HDAC9: variants seen among roughly 807,000 people sequenced by gnomAD.
The protein encoded by HDAC9 is MEF-2 interacting transcription repressor (MITR) protein.
A neutral mutation model predicts 139.4 loss-of-function variants in HDAC9; 41 were observed. That is an observed-to-expected ratio of 0.29 (90% CI 0.23 to 0.38). HDAC9 has a LOEUF of 0.38. Ranked by LOEUF, HDAC9 falls within the 10% of genes least tolerant of loss-of-function variation. The pLI is 1.00. For missense variants in HDAC9, 1,147 were observed against 1,297.0 expected (o/e 0.88, Z 1.78); for synonymous variants, 517 against 476.2 (o/e 1.09, Z -1.12).
intron 2 of HDAC9, among the ~76,000 whole-genome samples, chr7:18,277,529 T>G (rs1334381320): frequency 6.6e-6 from 1 of 152,138 alleles, no homozygotes; most frequent in East Asian, 1.9e-4. Flanking sequence ...AAATTTTTAT[T>G]TATACGTAGA....
At chr7:18,869,187 T>TGTGTGTGTGTG (rs1798724705) in intron 21 of HDAC9, among the ~76,000 whole-genome samples, 5 of 136,688 alleles carry the variant, frequency 3.7e-5, no homozygotes, top group African/African-American at 1.3e-4. Flanking sequence ...TGTGTGTGTG[T>TGTGTGTGTGTG]TGCGGTAGGG....
chr7:18,315,633 C>A (rs1279074398), intron 1 of HDAC9, among the ~76,000 whole-genome samples: 1 of 152,218 alleles, frequency 6.6e-6, no homozygotes, highest in African/African-American at 2.4e-5. Context: ...TAAGTATTCA[C>A]AGCACTACAT....
rs757557066 is a variant in HDAC9 at position 18,648,528 on chromosome 7, A to G, written c.1312A>G (p.Arg438Gly). The G allele has an allele frequency of 6.2e-7, 1 of 1,613,576 alleles. No homozygotes were observed. The highest frequency in any genetic ancestry group is 8.5e-7 in the Non-Finnish European group (1 of 1,179,758). Residue 438 changes from arginine to glycine, a missense_variant, in exon 11 of 26, where the codon AGA (arginine) becomes GGA (glycine). Physicochemically the swap from Arg to Gly is moderately radical, Grantham distance 125 (BLOSUM62 -2). This residue lies in a region of HDAC9 where 264 missense variants were observed against 273.8 expected (regional missense o/e 0.96). Coordinates refer to ENST00000686413, the MANE Select transcript of HDAC9 (RefSeq NM_178425.4). The part of the protein sequence containing the change: ...ATKERISPGI[R>G]GTHKLPRHRP... ...AAAAGAGAGAATTTCACCTGGCATT[A>G]GAGGTACCCACAAATTGCCCCGTCA...
chr7:18,978,749 G>A (rs904381503), intron 25 of HDAC9, among the ~76,000 whole-genome samples: 1 of 152,150 alleles, frequency 6.6e-6, no homozygotes, highest in Non-Finnish European at 1.5e-5. Context: ...TGCATTTGTT[G>A]ACTATCTGTT....
chr7:18,573,090 C>A (rs995593499), intron 2 of HDAC9, among the ~76,000 whole-genome samples: 1 of 152,170 alleles, frequency 6.6e-6, no homozygotes, highest in Non-Finnish European at 1.5e-5. Context: ...CCTGTTCAGA[C>A]CCCTGGGAAA....
chr7:18,502,818 T>C (rs1271775360), intron 2 of HDAC9, among the ~76,000 whole-genome samples: 2 of 152,168 alleles, frequency 1.3e-5, no homozygotes, highest in East Asian at 3.8e-4. Flanking sequence ...GAGTCAACAT[T>C]GTGGCCTCAT....
intron 2 of HDAC9, among the ~76,000 whole-genome samples, chr7:18,274,304 C>T (rs1379998719): frequency 6.6e-6 from 1 of 152,106 alleles, no homozygotes; most frequent in Non-Finnish European, 1.5e-5. Flanking sequence ...TGGTGAGGTC[C>T]TCATGCTGCT....
chr7:18,529,298 G>C (rs1348682587), intron 2 of HDAC9, among the ~76,000 whole-genome samples: 1 of 152,128 alleles, frequency 6.6e-6, no homozygotes. Flanking sequence ...AAGGTTGTCA[G>C]TTGGCATAGG....
At position 18,749,128 on chromosome 7, in the gene HDAC9, A is replaced by T. The variant is rs770418310; in HGVS notation, c.2033A>T (p.Asn678Ile). The stretch of plus-strand genomic sequence containing the variant: ...CGACTGCAAGAAACTGGGCTGCTAA[A>T]TAAATGTGAGGTAATCCAGAATTGG... ...WSRLQETGLL[N>I]KCERIQGRKA... Residue 678 changes from asparagine to isoleucine, a missense_variant, in exon 14 of 26, where the codon AAT (asparagine) becomes ATT (isoleucine). Around this residue, in one of 7 missense-constraint regions of HDAC9, gnomAD observed 407 missense variants for 521.5 expected, o/e 0.78. Coordinates refer to ENST00000686413, the MANE Select transcript of HDAC9 (RefSeq NM_178425.4). The T allele has an allele frequency of 6.2e-7, 1 of 1,613,648 alleles. No individual in the cohort carries two copies. Among genetic ancestry groups the T allele is most frequent in the Non-Finnish European group, 8.5e-7 (1 of 1,179,752 alleles).
At chr7:18,409,266 T>C (rs1788318314) in intron 1 of HDAC9, among the ~76,000 whole-genome samples, 1 of 152,108 alleles carries the variant, frequency 6.6e-6, no homozygotes, top group Admixed American at 6.5e-5. Flanking sequence ...TTGCAGGTGG[T>C]TCAAGGGGAG....
chr7:18,320,810 G>T (rs1011094990), intron 1 of HDAC9, among the ~76,000 whole-genome samples: 3 of 152,204 alleles, frequency 2.0e-5, no homozygotes, highest in Middle Eastern at 3.4e-3. Context: ...ACTGGGCCGG[G>T]GGTAGACCCT....
upstream of HDAC9, among the ~76,000 whole-genome samples, chr7:18,495,233 C>T (rs1444953560): frequency 6.6e-6 from 1 of 152,032 alleles, no homozygotes; most frequent in Non-Finnish European, 1.5e-5. Context: ...AAAAATAGAA[C>T]ACCAGGATTG....
chr7:18,513,696 T>A (rs184964533), intron 2 of HDAC9, among the ~76,000 whole-genome samples: 1 of 152,322 alleles, frequency 6.6e-6, no homozygotes, highest in East Asian at 1.9e-4. Context: ...TGGAGATAGG[T>A]AATCTAGCTG....
intron 21 of HDAC9, among the ~76,000 whole-genome samples, chr7:18,869,641 C>A (rs752664685): frequency 6.6e-6 from 1 of 152,098 alleles, no homozygotes; most frequent in African/African-American, 2.4e-5. Context: ...AGGTAGATAG[C>A]GCTGAAACTG....
rs575978886 is a variant in HDAC9, at chr7:18,644,847, G to C, written c.1035+54G>C. Reference sequence around the variant, plus strand: ...TCAACCTAAGCAATATCTTTTCACAGGGGAACTCTCTTTCGTGTTTTATGT... The same window carrying C: ...TCAACCTAAGCAATATCTTTTCACACGGGAACTCTCTTTCGTGTTTTATGT... On this transcript the variant is annotated intron_variant, in intron 9 of 25. Coordinates refer to ENST00000686413, the MANE Select transcript of HDAC9 (RefSeq NM_178425.4). 6 of 1,539,732 alleles carry C rather than the reference G, an allele frequency of 3.9e-6. No homozygotes were observed. The South Asian group carries it at 7.6e-5, about 20-fold the overall frequency.
At chr7:18,530,803 T>C (rs1808661052) in intron 2 of HDAC9, among the ~76,000 whole-genome samples, 1 of 149,502 alleles carries the variant, frequency 6.7e-6, no homozygotes, top group South Asian at 2.1e-4. Flanking sequence ...TATATATGTA[T>C]GTGTATATGT....
intron 12 of HDAC9, among the ~76,000 whole-genome samples, chr7:18,726,133 T>C (rs943750507): frequency 6.6e-6 from 1 of 152,222 alleles, no homozygotes; most frequent in Non-Finnish European, 1.5e-5. Flanking sequence ...AATTTATAGA[T>C]TTATATGCAG....
chr7:18,375,669 G>A (rs1008293381), intron 1 of HDAC9, among the ~76,000 whole-genome samples: 1 of 152,108 alleles, frequency 6.6e-6, no homozygotes, highest in Admixed American at 6.5e-5. Context: ...TTTTTAGTAA[G>A]CCTAAAGCCC....
intron 8 of HDAC9, among the ~76,000 whole-genome samples, chr7:18,640,930 G>A (rs1340301684): frequency 6.6e-6 from 1 of 152,008 alleles, no homozygotes; most frequent in African/African-American, 2.4e-5. Context: ...AGAATTCCCA[G>A]CAAAGCCATC....
Sources: gnomAD v4.1 joint callset for allele counts (sites outside exome capture counted in the v4.1 genomes callset) on GRCh38, gnomAD v4.1.1 for gene constraint, gnomAD v4.1.1 regional missense constraint, MANE v1.5 for transcripts, NCBI Gene and HGNC (gene_info 2026-07-23, HGNC 2026-07-21) for gene names.